LHX8: variants seen among roughly 807,000 people sequenced by gnomAD.
The protein encoded by LHX8 is LIM/homeobox protein Lhx8.
In LHX8, 12 loss-of-function variants were observed where a neutral mutation model predicts 40.3. That is an observed-to-expected ratio of 0.30 (90% CI 0.19 to 0.48). The LOEUF (loss-of-function observed/expected upper bound fraction) is 0.48, where lower values mean the gene tolerates loss of function less well. Ranked by LOEUF, LHX8 falls within the 20% of genes least tolerant of loss-of-function variation. The pLI, the probability that LHX8 is intolerant of heterozygous loss-of-function variation, is 0.99. For synonymous variants in LHX8, 179 were observed against 162.0 expected (o/e 1.10, Z -0.80); for missense variants, 344 against 433.7 (o/e 0.79, Z 1.84).
chr1:75,145,885 T>C (rs912151921), intron 6 of LHX8, among the ~76,000 whole-genome samples: 6 of 152,118 alleles, frequency 3.9e-5, no homozygotes, highest in African/African-American at 1.4e-4. Flanking sequence ...ATCAGAATTA[T>C]AGGTTTTAAA....
At chr1:75,193,633 A>T in the LHX8 span, among the ~76,000 whole-genome samples, 1 of 152,206 alleles carries the variant, frequency 6.6e-6, no homozygotes, top group African/African-American at 2.4e-5. Flanking sequence ...TGGCTTGCAT[A>T]ATTCGTAGTA....
chr1:75,187,865 T>A, the LHX8 span, among the ~76,000 whole-genome samples: 1 of 152,114 alleles, frequency 6.6e-6, no homozygotes, highest in Non-Finnish European at 1.5e-5. Context: ...TGGACTAGAC[T>A]GCATTCACCC....
At chr1:75,131,862 G>T (rs1220020734), upstream of LHX8, 1 of 152,228 alleles carries the variant, frequency 6.6e-6, no homozygotes, top group African/African-American at 2.4e-5. Context: ...ACGGATGTTG[G>T]TAGACACCTT....
the LHX8 span, among the ~76,000 whole-genome samples, chr1:75,171,071 T>C: frequency 6.6e-6 from 1 of 152,060 alleles, no homozygotes; most frequent in African/African-American, 2.4e-5. Context: ...AAGTTGAGAA[T>C]GAGGGAGGCA....
intron 7 of LHX8, among the ~76,000 whole-genome samples, chr1:75,151,073 A>G (rs964842854): frequency 6.6e-6 from 1 of 152,178 alleles, no homozygotes; most frequent in Admixed American, 6.5e-5. Flanking sequence ...GGGAAAGGCA[A>G]ATGTCTTCAT....
the LHX8 span, among the ~76,000 whole-genome samples, chr1:75,178,464 G>A: frequency 2.6e-5 from 4 of 152,122 alleles, no homozygotes; most frequent in Non-Finnish European, 5.9e-5. Context: ...GTGCTTAAAG[G>A]TGTTTATAGT....
the LHX8 span, among the ~76,000 whole-genome samples, chr1:75,171,529 C>T: frequency 2.6e-5 from 4 of 151,948 alleles, no homozygotes; most frequent in Admixed American, 6.6e-5. Flanking sequence ...CTCGGTGTTG[C>T]AGGAGGTTGT....
the LHX8 span, among the ~76,000 whole-genome samples, chr1:75,185,995 A>G: frequency 2.0e-5 from 3 of 152,162 alleles, no homozygotes; most frequent in Non-Finnish European, 4.4e-5. Context: ...CCAGGGAGGT[A>G]AAAGATCTCT....
chr1:75,140,413 C>T (rs368239407), intron 3 of LHX8, among the ~76,000 whole-genome samples: 11 of 152,114 alleles, frequency 7.2e-5, no homozygotes, highest in African/African-American at 2.2e-4. Context: ...TAGAAGAGAA[C>T]CCGGGCTTCT....
chr1:75,197,536 A>G, the LHX8 span, among the ~76,000 whole-genome samples: 1 of 152,206 alleles, frequency 6.6e-6, no homozygotes, highest in Non-Finnish European at 1.5e-5. Context: ...TGTTTAAATA[A>G]CATGATATAA....
At chr1:75,189,518 G>A in the LHX8 span, among the ~76,000 whole-genome samples, 2 of 152,186 alleles carry the variant, frequency 1.3e-5, no homozygotes, top group East Asian at 3.9e-4. Flanking sequence ...TTTATGGATA[G>A]GGTGTCTAAA....
chr1:75,173,797 A>G, the LHX8 span, among the ~76,000 whole-genome samples: 1 of 152,112 alleles, frequency 6.6e-6, no homozygotes, highest in African/African-American at 2.4e-5. Context: ...GATCTTTTTG[A>G]TTGTCTGATG....
At chr1:75,130,909 G>A (rs909460644), upstream of LHX8, 3 of 693,964 alleles carry the variant, frequency 4.3e-6, no homozygotes, top group African/African-American at 3.5e-5. Flanking sequence ...TTCAGGGATC[G>A]AAGGAGTCGC....
intron 8 of LHX8, among the ~76,000 whole-genome samples, chr1:75,157,933 G>A (rs1270031891): frequency 6.6e-6 from 1 of 152,092 alleles, no homozygotes; most frequent in Non-Finnish European, 1.5e-5. Flanking sequence ...ACCTGGGAGT[G>A]GGACATAAGG....
At chr1:75,175,796 A>T in the LHX8 span, among the ~76,000 whole-genome samples, 1 of 151,998 alleles carries the variant, frequency 6.6e-6, no homozygotes, top group South Asian at 2.1e-4. Context: ...TACATTAGGT[A>T]TTTCTCCTAA....
chr1:75,163,145 A>G (rs961241102), downstream of LHX8, among the ~76,000 whole-genome samples: 6 of 152,054 alleles, frequency 3.9e-5, no homozygotes, highest in Admixed American at 2.6e-4. Flanking sequence ...GTAGTTTTAC[A>G]TTTGACAAAT....
the LHX8 span, among the ~76,000 whole-genome samples, chr1:75,191,346 G>A: frequency 2.6e-3 from 398 of 152,206 alleles, no homozygotes; most frequent in Middle Eastern, 6.8e-3. Flanking sequence ...CCATAATAAG[G>A]CCTTGCCTCT....
chr1:75,152,670 A>G (rs1648641330), intron 7 of LHX8, among the ~76,000 whole-genome samples: 1 of 152,222 alleles, frequency 6.6e-6, no homozygotes, highest in Non-Finnish European at 1.5e-5. Context: ...GTCCAAAGAT[A>G]AAACATGCAT....
intron 7 of LHX8, among the ~76,000 whole-genome samples, chr1:75,150,409 A>G (rs115982126): frequency 2.6e-3 from 397 of 152,302 alleles, no homozygotes; most frequent in African/African-American, 9.2e-3. Flanking sequence ...GAAAGAATGA[A>G]CAGGACTCAA....
Sources: allele counts gnomAD v4.1 joint callset (sites outside exome capture counted in the v4.1 genomes callset), GRCh38; gene constraint gnomAD v4.1.1; transcripts MANE v1.5; gene names NCBI Gene and HGNC (gene_info 2026-07-23, HGNC 2026-07-21).